Variants in CELF1 observed in about 807,000 individuals in gnomAD.
CELF1 encodes the protein 50 kDa nuclear polyadenylated RNA-binding protein.
Under a neutral mutation model 61.8 loss-of-function variants are expected in CELF1, and 10 were observed. That is an observed-to-expected ratio of 0.16 (90% CI 0.10 to 0.27). CELF1 has a LOEUF of 0.27. Among genes scored for constraint, CELF1 ranks in the 10% least tolerant of loss-of-function variants. The pLI, the probability that CELF1 is intolerant of heterozygous loss-of-function variation, is 1.00. For synonymous variants in CELF1, 236 were observed against 225.1 expected (o/e 1.05, Z -0.43); for missense variants, 380 against 639.1 (o/e 0.59, Z 4.37).
In CELF1 at chr11:47,493,433, G is replaced by A. The variant is rs1454652995; in HGVS notation, c.72-4409C>T. Among the ~76,000 whole-genome samples the A allele has an allele frequency of 3.3e-5, 5 of 150,274 alleles. No homozygotes were observed. In the East Asian group the frequency reaches 5.8e-4, roughly 18 times the overall value. On this transcript the variant is annotated intron_variant, in intron 3 of 14. Coordinates refer to ENST00000687097, the MANE Select transcript of CELF1 (RefSeq NM_001376376.1). ...TGAAGCAGGAGAATCACTTGAACCC[G>A]GGAGGCGGAGACTACAGTGAGCCGA...
intron 1 of CELF1, among the ~76,000 whole-genome samples, chr11:47,534,307 G>C (rs1290498649): frequency 6.6e-6 from 1 of 150,944 alleles, no homozygotes; most frequent in Non-Finnish European, 1.5e-5. Flanking sequence ...TGGGATTACA[G>C]GCATGAGCCA....
intron 1 of CELF1, among the ~76,000 whole-genome samples, chr11:47,545,870 CGTGTGTGTGTGTGTGT>C (rs71042682): frequency 4.4e-5 from 4 of 91,800 alleles, no homozygotes; most frequent in African/African-American, 1.8e-4. Context: ...TGTGTGTCTG[CGTGTGTGTGTGTGTGT>C]GTGTGTGTGT....
rs1407918298 is a variant in CELF1, at chr11:47,484,532, G to A, written c.392-9C>T. On this transcript the variant is annotated splice_polypyrimidine_tract_variant and intron_variant, in intron 6 of 14. Coordinates refer to ENST00000687097, the MANE Select transcript of CELF1 (RefSeq NM_001376376.1). ...CTTCCTGTCTTCCACTGCTAAGAGA[G>A]TAAAACAGAAAAGACTTGAATATTA... The A allele has an allele frequency of 2.5e-6, 4 of 1,599,270 alleles. No homozygotes were observed. The highest frequency in any genetic ancestry group is 2.2e-5 in the South Asian group (2 of 88,926).
chr11:47,534,714 C>T (rs1343467725), intron 1 of CELF1, among the ~76,000 whole-genome samples: 2 of 151,974 alleles, frequency 1.3e-5, no homozygotes, highest in East Asian at 1.9e-4. Context: ...GGCGACAGAG[C>T]GAGACTCCAT....
chr11:47,490,424 AGT>A (rs1491492207), intron 3 of CELF1, among the ~76,000 whole-genome samples: 3 of 137,916 alleles, frequency 2.2e-5, no homozygotes, highest in African/African-American at 8.3e-5. Flanking sequence ...ACAACATGCT[AGT>A]TTTTTTTTTT....
At chr11:47,522,578 A>G (rs1597868508) in intron 1 of CELF1, among the ~76,000 whole-genome samples, 1 of 151,634 alleles carries the variant, frequency 6.6e-6, no homozygotes, top group East Asian at 2.0e-4. Context: ...CTGTAATCCC[A>G]GCACTTTGGG....
At chr11:47,546,484 G>A (rs1201016087) in intron 1 of CELF1, among the ~76,000 whole-genome samples, 1 of 151,938 alleles carries the variant, frequency 6.6e-6, no homozygotes, top group African/African-American at 2.4e-5. Flanking sequence ...GCCCACCCTG[G>A]CCTCCCAAAG....
intron 1 of CELF1, among the ~76,000 whole-genome samples, chr11:47,512,452 A>AT (rs35542082): frequency 2.3e-3 from 259 of 112,772 alleles, no homozygotes; most frequent in African/African-American, 7.9e-3. Flanking sequence ...CGTGCCCAGA[A>AT]TTTTTTTTTT....
At chr11:47,495,788 G>A (rs542996740) in intron 3 of CELF1, among the ~76,000 whole-genome samples, 2 of 152,304 alleles carry the variant, frequency 1.3e-5, no homozygotes, top group African/African-American at 4.8e-5. Context: ...ATGCTAGCTT[G>A]AGTGGACATC....
chr11:47,524,148 G>A (rs1405143639), intron 1 of CELF1, among the ~76,000 whole-genome samples: 3 of 152,188 alleles, frequency 2.0e-5, no homozygotes, highest in African/African-American at 7.2e-5. Context: ...AACCCCTACT[G>A]CACTCTTTCA....
upstream of CELF1, chr11:47,565,511 C>A (rs544525363): frequency 8.9e-5 from 88 of 986,464 alleles, no homozygotes; most frequent in Non-Finnish European, 8.0e-5. Context: ...CCGGTGCGAG[C>A]CCGCGAGAGG....
intron 3 of CELF1, among the ~76,000 whole-genome samples, chr11:47,494,174 C>T (rs1215222890): frequency 6.6e-6 from 1 of 152,150 alleles, no homozygotes; most frequent in Non-Finnish European, 1.5e-5. Flanking sequence ...CCAGCCCTGA[C>T]CTGGGAACAG....
At position 47,468,728 on chromosome 11, in the gene CELF1, G is replaced by C. The variant is rs1360286788; in HGVS notation, c.*3502C>G. 1.3e-5 allele frequency: 2 copies of C among 152,106 alleles called. No homozygotes were observed. The highest frequency in any genetic ancestry group is 2.4e-5 in the African/African-American group (1 of 41,286). 9.4% of individuals were successfully genotyped at this position (152,106 alleles called of 1,614,324 possible). A position where few individuals can be genotyped will look rare whatever the true frequency, so the allele number is the denominator to read the frequency against. On this transcript the variant is annotated 3_prime_UTR_variant, in exon 15 of 15. Transcript: ENST00000687097. ...AAAGAAAAAAAGAAAAAAAAACGAA[G>C]AAAGAAACAAACATAATAAAAATAC...
upstream of CELF1, among the ~76,000 whole-genome samples, chr11:47,554,655 C>A (rs537343802): frequency 6.8e-6 from 1 of 147,856 alleles, no homozygotes; most frequent in South Asian, 2.2e-4. Context: ...TTATCATTAT[C>A]TAACACAGTT....
chr11:47,507,468 A>C (rs965139683), intron 1 of CELF1, among the ~76,000 whole-genome samples: 1 of 152,210 alleles, frequency 6.6e-6, no homozygotes, highest in Non-Finnish European at 1.5e-5. Flanking sequence ...AAACAAAAAA[A>C]AAAATCAGAA....
intron 1 of CELF1, among the ~76,000 whole-genome samples, chr11:47,517,229 G>A (rs1195065030): frequency 1.4e-5 from 2 of 140,118 alleles, no homozygotes; most frequent in Middle Eastern, 4.0e-3. Flanking sequence ...CTGGACAACT[G>A]AGAGAGAGCC....
At chr11:47,542,805 A>G (rs758609663) in intron 1 of CELF1, among the ~76,000 whole-genome samples, 23 of 152,074 alleles carry the variant, frequency 1.5e-4, no homozygotes, top group African/African-American at 4.8e-4. Flanking sequence ...GCTTTACAAC[A>G]TATCAACAGG....
chr11:47,485,933 G>A (rs576453726), intron 6 of CELF1, among the ~76,000 whole-genome samples: 4 of 147,466 alleles, frequency 2.7e-5, no homozygotes, highest in South Asian at 2.2e-4. Flanking sequence ...AGGCCGAGGC[G>A]GGCGGATCAC....
intron 1 of CELF1, among the ~76,000 whole-genome samples, chr11:47,508,794 G>A (rs957770547): frequency 2.0e-5 from 3 of 152,150 alleles, no homozygotes; most frequent in Non-Finnish European, 4.4e-5. Context: ...TTTTGAGACG[G>A]AGTTTCGCTC....
Sources: allele counts gnomAD v4.1 joint callset (sites outside exome capture counted in the v4.1 genomes callset), GRCh38; gene constraint gnomAD v4.1.1; transcripts MANE v1.5; gene names NCBI Gene and HGNC (gene_info 2026-07-23, HGNC 2026-07-21).